INPP5A: variants seen among roughly 807,000 people sequenced by gnomAD.
The protein encoded by INPP5A is inositol polyphosphate-5-phosphatase A.
In INPP5A, 14 loss-of-function variants were observed where a neutral mutation model predicts 65.2. The observed-to-expected ratio is 0.21, with a 90% CI of 0.14 to 0.34. INPP5A has a LOEUF of 0.34. Among genes scored for constraint, INPP5A ranks in the 10% least tolerant of loss-of-function variants. INPP5A has a pLI of 1.00. For synonymous variants in INPP5A, 207 were observed against 208.3 expected (o/e 0.99, Z 0.05); for missense variants, 431 against 545.6 (o/e 0.79, Z 2.09).
chr10:132,725,968 C>T (rs1564985854), intron 8 of INPP5A, among the ~76,000 whole-genome samples: 1 of 151,982 alleles, frequency 6.6e-6, no homozygotes, highest in African/African-American at 2.4e-5. Context: ...GCTTTCACAC[C>T]AGAAGGGTTG....
chr10:132,689,168 T>G (rs1447609237), intron 4 of INPP5A, among the ~76,000 whole-genome samples: 1 of 152,220 alleles, frequency 6.6e-6, no homozygotes, highest in Non-Finnish European at 1.5e-5. Flanking sequence ...CAGTGAGGGA[T>G]GCACCACGCC....
chr10:132,756,731 A>T (rs1296017241), intron 11 of INPP5A, among the ~76,000 whole-genome samples: 2 of 152,358 alleles, frequency 1.3e-5, no homozygotes, highest in East Asian at 3.9e-4. Flanking sequence ...TACTTAATAA[A>T]AAAAGGTACC....
Position 132,538,151 on chromosome 10 carries a change from G to T in INPP5A, c.55G>T (p.Val19Leu). ...GTAVLLVTAN[V>L]GSLFDDPENL... ...CGCGGTGCTGCTGGTCACGGCCAAC[G>T]TGGGCTCGCTCTTCGACGACGTAAG... is the stretch of plus-strand genomic sequence containing the variant. The change falls in exon 1 of 16, where the codon GTG becomes TTG. Residue 19 changes from valine to leucine, a missense_variant. Transcript: ENST00000368594. The surrounding 1 kb of genome is among the most constrained non-coding windows in gnomAD (Gnocchi z 4.1). 1 of 1,280,434 alleles carries T rather than the reference G, an allele frequency of 7.8e-7. No homozygotes were observed. Among genetic ancestry groups the T allele is most frequent in the Non-Finnish European group, 9.9e-7 (1 of 1,007,774 alleles). 79.3% of individuals were successfully genotyped at this position (1,280,434 alleles called of 1,614,324 possible). A position where few individuals can be genotyped will look rare whatever the true frequency, so the allele number is the denominator to read the frequency against.
chr10:132,565,553 A>G (rs1388724112), intron 1 of INPP5A, among the ~76,000 whole-genome samples: 1 of 152,126 alleles, frequency 6.6e-6, no homozygotes, highest in Non-Finnish European at 1.5e-5. Flanking sequence ...GTGTGTGTAT[A>G]TATGTATGTG....
chr10:132,767,905 A>G (rs1846879333), intron 12 of INPP5A, among the ~76,000 whole-genome samples: 1 of 130,556 alleles, frequency 7.7e-6, no homozygotes, highest in Non-Finnish European at 1.6e-5. Flanking sequence ...AGATCCATGG[A>G]CCCCAACCCT....
At chr10:132,726,493 C>G (rs1193358316) in intron 8 of INPP5A, among the ~76,000 whole-genome samples, 1 of 152,184 alleles carries the variant, frequency 6.6e-6, no homozygotes, top group African/African-American at 2.4e-5. Context: ...CTCGGGGCAG[C>G]CGTGGTTTTC....
intron 12 of INPP5A, among the ~76,000 whole-genome samples, chr10:132,772,630 A>C (rs1316443908): frequency 4.6e-5 from 5 of 109,440 alleles, no homozygotes; most frequent in South Asian, 3.7e-4. Context: ...CACCCCACGA[A>C]GAGTGGGACG....
At chr10:132,745,529 G>A (rs975366696) in intron 9 of INPP5A, among the ~76,000 whole-genome samples, 8 of 128,324 alleles carry the variant, frequency 6.2e-5, no homozygotes, top group African/African-American at 2.0e-4. Flanking sequence ...GGGCCCTGCT[G>A]GGACCTTCCT....
chr10:132,692,117 GA>G (rs1159601244), intron 5 of INPP5A, among the ~76,000 whole-genome samples: 6 of 152,304 alleles, frequency 3.9e-5, no homozygotes, highest in African/African-American at 1.2e-4. Context: ...GAGGCTCTGA[GA>G]AGGACTCAAA....
At chr10:132,770,712 T>A (rs1846933584) in intron 12 of INPP5A, among the ~76,000 whole-genome samples, 1 of 147,360 alleles carries the variant, frequency 6.8e-6, no homozygotes, top group Non-Finnish European at 1.5e-5. Flanking sequence ...CACAATTACA[T>A]GTTTACATAA....
chr10:132,726,598 C>T (rs780970941), intron 8 of INPP5A, among the ~76,000 whole-genome samples: 6 of 152,164 alleles, frequency 3.9e-5, no homozygotes, highest in African/African-American at 7.2e-5. Context: ...GCAACAGATG[C>T]GTGTCCGTGT....
rs901066498 is a variant in INPP5A at position 132,616,002 on chromosome 10, G to C, written c.117+8046G>C. On this transcript the variant is annotated intron_variant, in intron 2 of 15. Transcript: ENST00000368594. This position sits in a 1 kb window ranked among gnomAD's most constrained non-coding sequence, Gnocchi z 4.9. ...TGGGGAACAGGGGCCTCCCCTCTTA[G>C]TGGTGATGGGCTTCACCCTCTGTAG... 6.6e-6 allele frequency among the ~76,000 whole-genome samples: 1 copy of C among 152,184 alleles called. No homozygotes were observed. The highest frequency in any genetic ancestry group is 1.5e-5 in the Non-Finnish European group (1 of 68,016).
intron 1 of INPP5A, among the ~76,000 whole-genome samples, chr10:132,596,964 CGT>C (rs1564929113): frequency 2.2e-5 from 3 of 134,822 alleles, no homozygotes; most frequent in African/African-American, 5.7e-5. Flanking sequence ...CACATGTGTG[CGT>C]GTGTGCATGC....
intron 4 of INPP5A, among the ~76,000 whole-genome samples, chr10:132,660,421 GTTAC>G (rs949024528): frequency 1.3e-5 from 2 of 152,228 alleles, no homozygotes; most frequent in Non-Finnish European, 2.9e-5. Context: ...GTGTGTGTGT[GTTAC>G]TAGCTTTTAA....
At chr10:132,629,498 A>T (rs2072236030) in intron 2 of INPP5A, among the ~76,000 whole-genome samples, 1 of 152,194 alleles carries the variant, frequency 6.6e-6, no homozygotes, top group African/African-American at 2.4e-5. Flanking sequence ...ATAGCGGAAG[A>T]TTGGCTGTGG....
chr10:132,616,649 C>T lies in INPP5A; in HGVS notation c.117+8693C>T, dbSNP rs2072037938. ...CATGGGACATGGTAGTGACATGGGA[C>T]ATGGTGACAGGGTAGGGTGTGGTGG... On this transcript the variant is annotated intron_variant, in intron 2 of 15. Coordinates refer to ENST00000368594, the MANE Select transcript of INPP5A (RefSeq NM_005539.5). This position sits in a 1 kb window ranked among gnomAD's most constrained non-coding sequence, Gnocchi z 4.9. 6.6e-6 allele frequency among the ~76,000 whole-genome samples: 1 copy of T among 150,662 alleles called. No homozygotes were observed. Among genetic ancestry groups the T allele is most frequent in the African/African-American group, 2.5e-5 (1 of 40,766 alleles).
intron 11 of INPP5A, among the ~76,000 whole-genome samples, chr10:132,760,524 G>A (rs1846714014): frequency 6.6e-6 from 1 of 152,274 alleles, no homozygotes. Context: ...TGGGGTCACT[G>A]CAGAAGGTTG....
In INPP5A at chr10:132,697,700, G is replaced by A. The variant is rs916865500; in HGVS notation, c.371-116G>A. 18 of 707,470 alleles carry A rather than the reference G, an allele frequency of 2.5e-5. No individual in the cohort carries two copies. The highest frequency in any genetic ancestry group is 6.6e-5 in the Admixed American group (3 of 45,324). 43.8% of individuals were successfully genotyped at this position (707,470 alleles called of 1,614,324 possible). A position where few individuals can be genotyped will look rare whatever the true frequency, so the allele number is the denominator to read the frequency against. ...GGACCCCTCATCAGGGCCTCCTCTC[G>A]GGGGGCCTCTCTGGCTCCCATCGGG... On this transcript the variant is annotated intron_variant, in intron 5 of 15. Transcript: ENST00000368594. The surrounding 1 kb of genome is among the most constrained non-coding windows in gnomAD (Gnocchi z 5.6).
intron 5 of INPP5A, among the ~76,000 whole-genome samples, chr10:132,695,563 T>C (rs1845332260): frequency 6.6e-6 from 1 of 152,234 alleles, no homozygotes; most frequent in South Asian, 2.1e-4. Flanking sequence ...ACTATTTCTG[T>C]TCTCAGATGA....
Sources: allele counts gnomAD v4.1 joint callset (sites outside exome capture counted in the v4.1 genomes callset), GRCh38; gene constraint gnomAD v4.1.1; non-coding constraint Gnocchi (gnomAD v3.1); transcripts MANE v1.5; gene names NCBI Gene and HGNC (gene_info 2026-07-23, HGNC 2026-07-21).